NOTCH3: variants seen among roughly 807,000 people sequenced by gnomAD.
NOTCH3 encodes the protein neurogenic locus notch homolog protein 3.
NOTCH3 carries 86 observed loss-of-function variants against 213.3 expected under a neutral mutation model. The observed-to-expected ratio is 0.40, with a 90% CI of 0.34 to 0.48. The LOEUF (loss-of-function observed/expected upper bound fraction) is 0.48. Among genes scored for constraint, NOTCH3 ranks in the 20% least tolerant of loss-of-function variants. NOTCH3 has a pLI of 0.57. For synonymous variants in NOTCH3, 1,354 were observed against 1,355.9 expected (o/e 1.00, Z 0.03); for missense variants, 2,783 against 3,272.6 (o/e 0.85, Z 3.65).
At chr19:15,171,375 G>T (rs1338452510) in intron 25 of NOTCH3, among the ~76,000 whole-genome samples, 1 of 151,814 alleles carries the variant, frequency 6.6e-6, no homozygotes, top group African/African-American at 2.4e-5. Context: ...TTTTTGAGAC[G>T]GTTTCACTCT....
intron 29 of NOTCH3, among the ~76,000 whole-genome samples, chr19:15,166,759 G>A (rs71334761): frequency 0.022 from 3,364 of 152,248 alleles, 76 homozygotes; most frequent in East Asian, 0.093. Flanking sequence ...ACTTGCATCC[G>A]GTTCTCCATT....
rs576707891 is a variant in NOTCH3, at chr19:15,180,260, C to A, written c.3143-4G>T. ...CACAGCTGCTCCAGCCGCACCCCTG[C>A]AAAGAGGAGAGTGGCACAGGAACAG... On this transcript the variant is annotated splice_polypyrimidine_tract_variant and splice_region_variant and intron_variant, in intron 19 of 32. Transcript: ENST00000263388. 7.4e-6 allele frequency: 12 copies of A among 1,613,742 alleles called. No individual in the cohort carries two copies. In the African/African-American group the frequency reaches 1.5e-4, roughly 20 times the overall value.
Position 15,160,257 on chromosome 19 carries a change from AAATAAT to A in NOTCH3, c.*399_*404del, listed in dbSNP as rs1270668897. 16 of 241,648 alleles carry A rather than the reference AAATAAT, an allele frequency of 6.6e-5. No homozygotes were observed. In the South Asian group the frequency reaches 7.7e-4, roughly 12 times the overall value. 15.0% of individuals were successfully genotyped at this position (241,648 alleles called of 1,614,324 possible). A position where few individuals can be genotyped will look rare whatever the true frequency, so the allele number is the denominator to read the frequency against. On this transcript the variant is annotated 3_prime_UTR_variant, in exon 33 of 33. Coordinates refer to ENST00000263388, the MANE Select transcript of NOTCH3 (RefSeq NM_000435.3). ...CATCTCCATATATATATTTTGTAAA[AAATAAT>A]AATAATAAGTTTGTTTAAATGAATT...
intron 15 of NOTCH3, 102 bp from the exon 16 acceptor site, chr19:15,184,552 G>T: frequency 8.9e-7 from 1 of 1,120,650 alleles, no homozygotes; most frequent in Non-Finnish European, 1.3e-6. Context: ...ATGGGTGAAG[G>T]CAAAATAAGC....
intron 2 of NOTCH3, among the ~76,000 whole-genome samples, chr19:15,196,499 A>G (rs572686095): frequency 5.0e-4 from 76 of 152,246 alleles, no homozygotes; most frequent in Non-Finnish European, 9.6e-4. Flanking sequence ...CCCCAGACCC[A>G]CCCAGCTTGG....
At chr19:15,179,831 T>C (rs2046824478) in intron 20 of NOTCH3, among the ~76,000 whole-genome samples, 1 of 151,810 alleles carries the variant, frequency 6.6e-6, no homozygotes, top group Non-Finnish European at 1.5e-5. Flanking sequence ...TGCAGTGAGC[T>C]GAGATCGCGC....
In NOTCH3 at chr19:15,165,217, C is replaced by T. The variant is rs2046675570; in HGVS notation, c.5815+151G>A. ...GGCACCCTAAGGACTAGTGGTGACC[C>T]TGCATGACCCTGCAGGCTTCATGAA... On this transcript the variant is annotated intron_variant, in intron 31 of 32. Transcript: ENST00000263388. The surrounding 1 kb of genome is among the most constrained non-coding windows in gnomAD (Gnocchi z 4.7). 1 of 826,576 alleles carries T rather than the reference C, an allele frequency of 1.2e-6. No individual in the cohort carries two copies. The highest frequency in any genetic ancestry group is 1.7e-5 in the African/African-American group (1 of 59,906). 51.2% of individuals were successfully genotyped at this position (826,576 alleles called of 1,614,324 possible).
chr19:15,183,194 C>T (rs1001028133), intron 16 of NOTCH3, among the ~76,000 whole-genome samples: 1 of 152,080 alleles, frequency 6.6e-6, no homozygotes, highest in Non-Finnish European at 1.5e-5. Flanking sequence ...TTCGAGACTG[C>T]ACTGAGCCAA....
At chr19:15,196,080 C>T (rs1169703436) in intron 2 of NOTCH3, among the ~76,000 whole-genome samples, 1 of 151,112 alleles carries the variant, frequency 6.6e-6, no homozygotes. Context: ...GTATTTGAGA[C>T]CGTGAAAGAG....
chr19:15,190,029 C>G (rs938790752), intron 6 of NOTCH3, among the ~76,000 whole-genome samples: 8 of 152,038 alleles, frequency 5.3e-5, no homozygotes, highest in East Asian at 1.9e-4. Context: ...AATCCTAGCA[C>G]TTTGGGAGGC....
chr19:15,173,089 CTTCTTCTTCTTCTTCTTTTTTTTTTTTTT>C (rs1413196011), intron 25 of NOTCH3, among the ~76,000 whole-genome samples: 3,025 of 41,246 alleles, frequency 0.073, 763 homozygotes, highest in African/African-American at 0.31. Flanking sequence ...TCTTCTTCTT[CTTCTTCTTCTTCTTCTTTTTTTTTTTTTT>C]TTTTTTTTTT....
Position 15,162,464 on chromosome 19 carries a change from C to T in NOTCH3, c.5913+1G>A. On this transcript the variant is annotated splice_donor_variant, in intron 32 of 32. Coordinates refer to ENST00000263388, the MANE Select transcript of NOTCH3 (RefSeq NM_000435.3). LOFTEE classifies it high-confidence loss of function. ...CCAGTGGACCAAGGGCTGGGGCTCA[C>T]CTTGCTATCCTGCATGTCCTTATTG... is the stretch of plus-strand genomic sequence containing the variant. 1 of 1,612,260 alleles carries T rather than the reference C, an allele frequency of 6.2e-7. No individual in the cohort carries two copies. Among genetic ancestry groups the T allele is most frequent in the Non-Finnish European group, 8.5e-7 (1 of 1,179,106 alleles).
At position 15,160,037 on chromosome 19, in the gene NOTCH3, G is replaced by C. The variant is rs1256307939; in HGVS notation, c.*625C>G. The C allele has an allele frequency of 4.3e-6, 1 of 233,838 alleles. No homozygotes were observed. Among genetic ancestry groups the C allele is most frequent in the African/African-American group, 2.2e-5 (1 of 45,334 alleles). The allele number at this position is 233,838 out of a possible 1,614,324, so 14.5% of individuals were successfully genotyped here. A position where few individuals can be genotyped will look rare whatever the true frequency, so the allele number is the denominator to read the frequency against. On this transcript the variant is annotated 3_prime_UTR_variant, in exon 33 of 33. Transcript: ENST00000263388. Reference sequence around the variant, plus strand: ...GTGAGGGAGGTGGGGTGGGGAGGAGGCTCCCAACACTCCCCCGACCCCTGG... The same window carrying C: ...GTGAGGGAGGTGGGGTGGGGAGGAGCCTCCCAACACTCCCCCGACCCCTGG...
rs1430991669 is a variant in NOTCH3 at position 15,167,300 on chromosome 19, G to A, written c.5311C>T (p.Pro1771Ser). 3 of 1,613,558 alleles carry A rather than the reference G, an allele frequency of 1.9e-6. No individual in the cohort carries two copies. Among genetic ancestry groups the A allele is most frequent in the Non-Finnish European group, 2.5e-6 (3 of 1,179,996 alleles). The change falls in exon 29 of 33, where the codon CCA (proline) becomes TCA (serine). Residue 1771 changes from proline to serine, a missense_variant. Coordinates refer to ENST00000263388, the MANE Select transcript of NOTCH3 (RefSeq NM_000435.3). ...RVAPAMALTP[P>S]QGDADADGMD... The stretch of plus-strand genomic sequence containing the variant: ...CCATCAGCATCTGCGTCGCCCTGTG[G>A]TGGTGTCAGTGCCATGGCTGGTGCC...
intron 31 of NOTCH3, 33 bp from the exon 32 acceptor site, chr19:15,162,595 G>C: frequency 6.3e-7 from 1 of 1,582,462 alleles, no homozygotes; most frequent in Non-Finnish European, 8.7e-7. Context: ...GTCAGGACCA[G>C]GCACCTGTCC....
Position 15,165,816 on chromosome 19 carries a change from C to T in NOTCH3, c.5638G>A (p.Val1880Ile), listed in dbSNP as rs2145391868. Residue 1880 changes from valine (V) to isoleucine (I), a missense_variant, in exon 30 of 33, where the codon GTC becomes ATC. Physicochemically the swap from Val to Ile is conservative, Grantham distance 29 (BLOSUM62 3). Coordinates refer to ENST00000263388, the MANE Select transcript of NOTCH3 (RefSeq NM_000435.3). The surrounding 1 kb of genome is among the most constrained non-coding windows in gnomAD (Gnocchi z 4.7). Reference protein sequence around the residue: ...HSGRTPLHTAVTADAQGVFQI... With the variant: ...HSGRTPLHTAITADAQGVFQI... ...AAGACACCCTGGGCATCGGCTGTGA[C>T]AGCTGTGTGCAGGGGAGTGCGGCCT... The T allele has an allele frequency of 6.2e-7, 1 of 1,613,546 alleles. No homozygotes were observed. The highest frequency in any genetic ancestry group is 1.1e-5 in the South Asian group (1 of 91,082).
At chr19:15,176,138 G>A (rs888055924) in intron 24 of NOTCH3, among the ~76,000 whole-genome samples, 1 of 151,488 alleles carries the variant, frequency 6.6e-6, no homozygotes, top group Admixed American at 6.6e-5. Context: ...AGACAGTTGG[G>A]TACACAGAGG....
rs771337440 is a variant in NOTCH3, at chr19:15,161,524, C to G, written c.6104G>C (p.Gly2035Ala). ...GAGCAGAGGCCCCAGGCCGTGGGGACCGGGGGGGCTGCGGGGCCCACTGGG... is the reference window on the plus strand; with the variant it reads ...GAGCAGAGGCCCCAGGCCGTGGGGAGCGGGGGGGCTGCGGGGCCCACTGGG... ...DQPSGPRSPP[G>A]PHGLGPLLCP... Residue 2035 changes from glycine to alanine, a missense_variant, in exon 33 of 33, where the codon GGT becomes GCT. Around this residue, in one of 6 missense-constraint regions of NOTCH3, gnomAD observed 441 missense variants for 432.1 expected, o/e 1.02. Transcript: ENST00000263388. 1 of 1,599,788 alleles carries G rather than the reference C, an allele frequency of 6.3e-7. No individual in the cohort carries two copies. The highest frequency in any genetic ancestry group is 1.7e-5 in the Admixed American group (1 of 57,822).
In NOTCH3 at chr19:15,180,129, G is replaced by A. The variant is rs2145420444; in HGVS notation, c.3270C>T (p.Ala1090=). ...HCEQEVDPCL[A]QPCQHGGTCR... ...AGGTCCCCCCATGCTGGCAGGGCTG[G>A]GCCAAGCAGGGGTCCACCTCCTGCT... Residue 1090 remains alanine (A), a synonymous_variant, in exon 20 of 33, where the codon GCC becomes GCT. Coordinates refer to ENST00000263388, the MANE Select transcript of NOTCH3 (RefSeq NM_000435.3). 6.2e-7 allele frequency: 1 copy of A among 1,613,094 alleles called. No homozygotes were observed. Among genetic ancestry groups the A allele is most frequent in the Non-Finnish European group, 8.5e-7 (1 of 1,179,808 alleles).
Sources: gnomAD v4.1 joint callset for allele counts (sites outside exome capture counted in the v4.1 genomes callset) on GRCh38, gnomAD v4.1.1 for gene constraint, gnomAD v4.1.1 regional missense constraint, Gnocchi (gnomAD v3.1) non-coding constraint, MANE v1.5 for transcripts, NCBI Gene and HGNC (gene_info 2026-07-23, HGNC 2026-07-21) for gene names.